Variants in SPTBN4 observed in about 807,000 individuals in gnomAD.
SPTBN4 encodes the protein spectrin beta, non-erythrocytic 4.
Under a neutral mutation model 277.8 loss-of-function variants are expected in SPTBN4, and 96 were observed. The observed-to-expected ratio is 0.35, with a 90% confidence interval of 0.29 to 0.41. The LOEUF is 0.41. SPTBN4 is among the 10% of genes least tolerant of loss of function. The pLI is 1.00. For missense variants in SPTBN4, 3,006 were observed against 3,595.7 expected (o/e 0.84, Z 4.19); for synonymous variants, 1,481 against 1,580.3 (o/e 0.94, Z 1.49).
chr19:40,522,153 A>T (rs978746363), intron 16 of SPTBN4, among the ~76,000 whole-genome samples: 2 of 151,820 alleles, frequency 1.3e-5, no homozygotes, highest in Non-Finnish European at 2.9e-5. Flanking sequence ...CAGCCCTCCA[A>T]GTAGCTGGGA....
At chr19:40,547,324 C>T in intron 20 of SPTBN4, among the ~76,000 whole-genome samples, 1 of 151,970 alleles carries the variant, frequency 6.6e-6, no homozygotes, top group Non-Finnish European at 1.5e-5. Flanking sequence ...ATGATGGTTT[C>T]CAGCTTCACC....
chr19:40,567,757 C>T lies in SPTBN4; in HGVS notation c.6431C>T (p.Ala2144Val). Residue 2144 changes from alanine to valine, a missense_variant, in exon 31 of 36, where the codon GCG becomes GTG. Coordinates refer to ENST00000598249, the MANE Select transcript of SPTBN4 (RefSeq NM_020971.3). ...GACCCCACGGAACTGGCGGCCAAGGCGGCGCCCCTGCTGCGGCCAGGGGGC... is the reference window on the plus strand; with the variant it reads ...GACCCCACGGAACTGGCGGCCAAGGTGGCGCCCCTGCTGCGGCCAGGGGGC... ...FGDPTELAAK[A>V]APLLRPGGYE... 2 of 1,543,114 alleles carry T rather than the reference C, an allele frequency of 1.3e-6. No individual in the cohort carries two copies. The highest frequency in any genetic ancestry group is 1.7e-6 in the Non-Finnish European group (2 of 1,144,994).
Position 40,570,526 on chromosome 19 carries a change from C to T in SPTBN4, c.7117C>T (p.Arg2373Trp), listed in dbSNP as rs764259403. 1.4e-6 allele frequency: 2 copies of T among 1,456,752 alleles called. No individual in the cohort carries two copies. Among genetic ancestry groups the T allele is most frequent in the South Asian group, 1.4e-5 (1 of 73,522 alleles). 90.2% of individuals were successfully genotyped at this position (1,456,752 alleles called of 1,614,324 possible). A position where few individuals can be genotyped will look rare whatever the true frequency, so the allele number is the denominator to read the frequency against. ...PERTPRPDRP[R>W]ARDRPKPRRR... Reference sequence around the variant, plus strand: ...GCGGACACCTCGGCCGGACCGGCCCCGGGCGCGGGACCGGCCCAAGCCGCG... The same window carrying T: ...GCGGACACCTCGGCCGGACCGGCCCTGGGCGCGGGACCGGCCCAAGCCGCG... Residue 2373 changes from arginine (R) to tryptophan (W), a missense_variant, in exon 33 of 36, where the codon CGG (arginine) becomes TGG (tryptophan). Coordinates refer to ENST00000598249, the MANE Select transcript of SPTBN4 (RefSeq NM_020971.3).
chr19:40,476,297 A>G (rs1423388468), intron 2 of SPTBN4, among the ~76,000 whole-genome samples: 3 of 150,218 alleles, frequency 2.0e-5, no homozygotes, highest in African/African-American at 7.4e-5. Context: ...GTGAGCCTAG[A>G]TCGTGCCATT....
At chr19:40,569,961 C>CAG (rs1555721043) in intron 32 of SPTBN4, among the ~76,000 whole-genome samples, 3 of 145,778 alleles carry the variant, frequency 2.1e-5, no homozygotes, top group Non-Finnish European at 4.5e-5. Context: ...CACACACACA[C>CAG]ACACACACAC....
chr19:40,523,669 G>GA lies in SPTBN4; in HGVS notation c.3857+31dup, dbSNP rs749625530. Reference sequence around the variant, plus strand: ...GTCCCCTAGACCCATCCACCCCAGGGAGGGGGCAGAAGATGGGGCCCAGCA... The same window carrying GA: ...GTCCCCTAGACCCATCCACCCCAGGGAAGGGGGCAGAAGATGGGGCCCAGCA... On this transcript the variant is annotated intron_variant, in intron 17 of 35. Transcript: ENST00000598249. 1.9e-5 allele frequency: 30 copies of GA among 1,574,220 alleles called. No individual in the cohort carries two copies. The South Asian group carries it at 3.5e-4, about 18-fold the overall frequency.
Position 40,522,477 on chromosome 19 carries a change from T to C in SPTBN4, c.3655-960T>C, listed in dbSNP as rs375288463. On this transcript the variant is annotated intron_variant, in intron 16 of 35. Transcript: ENST00000598249. Reference sequence around the variant, plus strand: ...AAGCGATTCTCCTGCCTCAGCCTCCTGAGTAGCTGGGATAACAGGTGTGTG... The same window carrying C: ...AAGCGATTCTCCTGCCTCAGCCTCCCGAGTAGCTGGGATAACAGGTGTGTG... 8.6e-5 allele frequency among the ~76,000 whole-genome samples: 13 copies of C among 151,440 alleles called. 1 individual carries two copies. In the East Asian group the frequency reaches 1.6e-3, roughly 18 times the overall value.
In SPTBN4 at chr19:40,554,316, A is replaced by G; in HGVS notation, c.4844A>G (p.Gln1615Arg). 1 of 1,549,614 alleles carries G rather than the reference A, an allele frequency of 6.5e-7. No individual in the cohort carries two copies. ...CGGGAGGCTGCCGAGCGACGGCAGC[A>G]GGTGCTGGACGCCGCCTTCCAGGTG... ...GLREAAERRQ[Q>R]VLDAAFQVEQ... The change falls in exon 23 of 36, where the codon CAG becomes CGG. Residue 1615 changes from glutamine (Q) to arginine (R), a missense_variant. By Grantham distance (43) the Gln-to-Arg change is conservative (BLOSUM62 1). This residue lies in a region of SPTBN4 where 1,759 missense variants were observed against 2,061.5 expected (regional missense o/e 0.85). Transcript: ENST00000598249. This position sits in a 1 kb window ranked among gnomAD's most constrained non-coding sequence, Gnocchi z 5.7.
At chr19:40,533,178 G>GTC (rs1192798177) in intron 19 of SPTBN4, among the ~76,000 whole-genome samples, 1 of 152,116 alleles carries the variant, frequency 6.6e-6, no homozygotes, top group African/African-American at 2.4e-5. Context: ...TTCTAACTGT[G>GTC]TCTATGCCTG....
chr19:40,555,791 C>T (rs111872071), intron 24 of SPTBN4, among the ~76,000 whole-genome samples: 8 of 151,954 alleles, frequency 5.3e-5, no homozygotes, highest in African/African-American at 1.2e-4. Context: ...TGTAGAGTCA[C>T]GTGCCTGTGG....
In SPTBN4 at chr19:40,497,518, C is replaced by T. The variant is rs1035298602; in HGVS notation, c.698C>T (p.Thr233Ile). The change falls in exon 7 of 36, where the codon ACC becomes ATC. Residue 233 changes from threonine (T) to isoleucine (I), a missense_variant. Physicochemically the swap from Thr to Ile is moderately conservative, Grantham distance 89. Transcript: ENST00000598249. ...GATCTCGTGGACTTCAGCAAACTCA[C>T]CAAGTCCAATGCCAACTACAACCTG... ...RPDLVDFSKL[T>I]KSNANYNLQR... 4 of 1,614,150 alleles carry T rather than the reference C, an allele frequency of 2.5e-6. No individual in the cohort carries two copies. The Admixed American group carries it at 5.0e-5, about 20-fold the overall frequency.
At chr19:40,544,548 A>G (rs1392635329) in intron 20 of SPTBN4, among the ~76,000 whole-genome samples, 2 of 143,886 alleles carry the variant, frequency 1.4e-5, no homozygotes, top group South Asian at 2.2e-4. Context: ...CCCGGGTTCA[A>G]GTGATTCTCC....
At chr19:40,569,802 A>C (rs1189179104) in intron 32 of SPTBN4, 76 bp downstream of exon 32, 1 of 1,429,564 alleles carries the variant, frequency 7.0e-7, no homozygotes, top group African/African-American at 1.4e-5. Context: ...AGAAACAGCC[A>C]GTGCCTAGCC....
intron 2 of SPTBN4, among the ~76,000 whole-genome samples, chr19:40,480,081 CT>C (rs2145811032): frequency 6.6e-6 from 1 of 152,106 alleles, no homozygotes; most frequent in South Asian, 2.1e-4. Flanking sequence ...GAAACCCTGT[CT>C]TTACTAAAAA....
intron 18 of SPTBN4, among the ~76,000 whole-genome samples, chr19:40,531,779 G>A (rs2080677850): frequency 6.6e-6 from 1 of 151,956 alleles, no homozygotes; most frequent in Admixed American, 6.6e-5. Context: ...AGGGGTGGGG[G>A]TGCTGGCCGG....
At position 40,513,271 on chromosome 19, in the gene SPTBN4, C is replaced by T. The variant is rs763945874; in HGVS notation, c.2482C>T (p.Pro828Ser). 2.0e-6 allele frequency: 3 copies of T among 1,532,818 alleles called. No homozygotes were observed. Among genetic ancestry groups the T allele is most frequent in the South Asian group, 1.2e-5 (1 of 82,884 alleles). 95.0% of individuals were successfully genotyped at this position (1,532,818 alleles called of 1,614,324 possible). The change falls in exon 14 of 36, where the codon CCC (proline) becomes TCC (serine). Residue 828 changes from proline to serine, a missense_variant. Pro to Ser is a moderately conservative substitution (Grantham distance 74). Coordinates refer to ENST00000598249, the MANE Select transcript of SPTBN4 (RefSeq NM_020971.3). ...LTGEVEAHRG[P>S]VSGLRRQLAT... ...CGGGGAGGTGGAGGCACATCGCGGGCCCGTGAGCGGCCTGCGGCGCCAGCT... is the reference window on the plus strand; with the variant it reads ...CGGGGAGGTGGAGGCACATCGCGGGTCCGTGAGCGGCCTGCGGCGCCAGCT...
intron 32 of SPTBN4, 60 bp from the exon 33 acceptor site, chr19:40,570,372 CCAAA>C: frequency 4.0e-6 from 5 of 1,240,548 alleles, no homozygotes; most frequent in Non-Finnish European, 5.5e-6. Context: ...CATGACTCCC[CCAAA>C]CAGATGACCC....
intron 12 of SPTBN4, among the ~76,000 whole-genome samples, chr19:40,504,344 A>T (rs974236933): frequency 6.6e-6 from 1 of 152,066 alleles, no homozygotes; most frequent in Non-Finnish European, 1.5e-5. Context: ...AGAAACACAG[A>T]ATGAGAAAGA....
At chr19:40,504,887 T>A (rs1182024968) in intron 12 of SPTBN4, among the ~76,000 whole-genome samples, 2 of 150,840 alleles carry the variant, frequency 1.3e-5, no homozygotes, top group East Asian at 3.9e-4. Flanking sequence ...GACATAGAGA[T>A]ATAGAAACAG....
Sources: gnomAD v4.1 joint callset for allele counts (sites outside exome capture counted in the v4.1 genomes callset) on GRCh38, gnomAD v4.1.1 for gene constraint, gnomAD v4.1.1 regional missense constraint, Gnocchi (gnomAD v3.1) non-coding constraint, MANE v1.5 for transcripts, NCBI Gene and HGNC (gene_info 2026-07-23, HGNC 2026-07-21) for gene names.